GRM3: variants seen among roughly 807,000 people sequenced by gnomAD.
GRM3 encodes the protein glutamate metabotropic receptor 3.
A neutral mutation model predicts 70.5 loss-of-function variants in GRM3; 26 were observed. The observed-to-expected ratio is 0.37, with a 90% CI of 0.27 to 0.51. GRM3 has a LOEUF of 0.51. Among genes scored for constraint, GRM3 ranks in the 20% least tolerant of loss-of-function variants. The probability of loss-of-function intolerance (pLI) is 0.93; values close to 1 mark genes in which losing one functional copy is unlikely to be tolerated. For synonymous variants in GRM3, 443 were observed against 434.9 expected (o/e 1.02, Z -0.23); for missense variants, 859 against 1,123.8 (o/e 0.76, Z 3.37).
intron 1 of GRM3, among the ~76,000 whole-genome samples, chr7:86,668,052 T>C (rs953369972): frequency 6.6e-6 from 1 of 152,160 alleles, no homozygotes; most frequent in African/African-American, 2.4e-5. Context: ...TGGGAAACTT[T>C]TGTCCAGTTT....
intron 3 of GRM3, among the ~76,000 whole-genome samples, chr7:86,822,774 A>G (rs972716843): frequency 1.3e-5 from 2 of 152,192 alleles, no homozygotes; most frequent in Non-Finnish European, 2.9e-5. Flanking sequence ...ATAAAATTTG[A>G]TAGTCCAAAA....
At chr7:86,763,393 T>C (rs1796527665) in intron 1 of GRM3, among the ~76,000 whole-genome samples, 2 of 152,110 alleles carry the variant, frequency 1.3e-5, no homozygotes, top group South Asian at 4.1e-4. Context: ...GGGATAGAAG[T>C]AAGCAGGCTG....
intron 2 of GRM3, among the ~76,000 whole-genome samples, chr7:86,770,267 A>G (rs1353365525): frequency 1.3e-5 from 2 of 152,136 alleles, no homozygotes; most frequent in Non-Finnish European, 2.9e-5. Context: ...TCAGGAACAA[A>G]TGAAGATTTG....
intron 3 of GRM3, among the ~76,000 whole-genome samples, chr7:86,817,678 G>A (rs756451839): frequency 6.6e-6 from 1 of 151,874 alleles, no homozygotes; most frequent in Non-Finnish European, 1.5e-5. Flanking sequence ...TCATCTGGTT[G>A]GGTTTTGGAA....
In GRM3 at chr7:86,765,015, G is replaced by A; in HGVS notation, c.-131G>A. On this transcript the variant is annotated 5_prime_UTR_variant, in exon 2 of 6. The change abolishes the stop of an existing upstream ORF in the 5' untranslated region. Transcript: ENST00000361669. The stretch of plus-strand genomic sequence containing the variant: ...ATTTTTATCTCTTTAGGAATTTTGT[G>A]ACAGGCTCTGTTAGTCTGTTCCTCC... The A allele has an allele frequency of 6.8e-7, 1 of 1,470,856 alleles. No individual in the cohort carries two copies. Among genetic ancestry groups the A allele is most frequent in the Non-Finnish European group, 8.9e-7 (1 of 1,119,000 alleles). 91.1% of individuals were successfully genotyped at this position (1,470,856 alleles called of 1,614,324 possible).
At chr7:86,778,439 T>C (rs547413199) in intron 2 of GRM3, among the ~76,000 whole-genome samples, 1 of 152,264 alleles carries the variant, frequency 6.6e-6, no homozygotes, top group South Asian at 2.1e-4. Context: ...AGTCCTTTTG[T>C]CTTGTGTTGA....
intron 2 of GRM3, among the ~76,000 whole-genome samples, chr7:86,783,967 A>T (rs975649449): frequency 3.3e-5 from 5 of 151,984 alleles, no homozygotes; most frequent in African/African-American, 4.8e-5. Flanking sequence ...TCCTCATTAA[A>T]CACACACACA....
chr7:86,750,013 A>G (rs1434681279), intron 1 of GRM3, among the ~76,000 whole-genome samples: 1 of 152,084 alleles, frequency 6.6e-6, no homozygotes. Context: ...AGAGTAAATG[A>G]GCATATGTAA....
intron 2 of GRM3, 89 bp downstream of exon 2, chr7:86,765,702 A>C: frequency 9.8e-7 from 1 of 1,020,746 alleles, no homozygotes; most frequent in South Asian, 1.6e-5. Flanking sequence ...TAATAACGTC[A>C]TCAACGGATT....
intron 3 of GRM3, among the ~76,000 whole-genome samples, chr7:86,815,920 C>T (rs1798005710): frequency 6.6e-6 from 1 of 151,784 alleles, no homozygotes; most frequent in African/African-American, 2.4e-5. Context: ...AGAAAGATTC[C>T]AGACTGGGGC....
intron 1 of GRM3, among the ~76,000 whole-genome samples, chr7:86,764,474 G>A (rs1796553008): frequency 6.6e-6 from 1 of 152,106 alleles, no homozygotes; most frequent in Non-Finnish European, 1.5e-5. Context: ...GGCTAGGATA[G>A]TTCATCTATT....
At chr7:86,680,426 G>A (rs917474603) in intron 1 of GRM3, among the ~76,000 whole-genome samples, 3 of 152,000 alleles carry the variant, frequency 2.0e-5, no homozygotes, top group African/African-American at 7.2e-5. Flanking sequence ...CTAGTATTTT[G>A]TCCTGCAGAC....
At chr7:86,758,151 G>A (rs1320315527) in intron 1 of GRM3, among the ~76,000 whole-genome samples, 1 of 151,962 alleles carries the variant, frequency 6.6e-6, no homozygotes. Context: ...AAACAGAAGA[G>A]TTAATTCACT....
intron 1 of GRM3, among the ~76,000 whole-genome samples, chr7:86,756,372 C>T (rs1391884786): frequency 2.6e-5 from 4 of 152,140 alleles, no homozygotes; most frequent in Non-Finnish European, 5.9e-5. Flanking sequence ...AGCCACGGTG[C>T]CTGGCCCTCC....
At chr7:86,845,281 T>C (rs560686930) in intron 4 of GRM3, among the ~76,000 whole-genome samples, 12 of 152,326 alleles carry the variant, frequency 7.9e-5, no homozygotes, top group African/African-American at 2.9e-4. Flanking sequence ...ACTTTCTTTT[T>C]GCCTTAGGAT....
chr7:86,738,827 A>G (rs1372145153), intron 1 of GRM3, among the ~76,000 whole-genome samples: 2 of 152,236 alleles, frequency 1.3e-5, no homozygotes, highest in East Asian at 1.9e-4. Flanking sequence ...TGAAATATAC[A>G]TTGTGAAATG....
chr7:86,792,307 T>C (rs1404243590), intron 3 of GRM3, among the ~76,000 whole-genome samples: 2 of 152,196 alleles, frequency 1.3e-5, no homozygotes, highest in Non-Finnish European at 2.9e-5. Flanking sequence ...CTTCACTTAC[T>C]GAAGCACATA....
chr7:86,659,869 A>G (rs144147187), intron 1 of GRM3, among the ~76,000 whole-genome samples: 21 of 152,022 alleles, frequency 1.4e-4, no homozygotes, highest in Non-Finnish European at 2.6e-4. Context: ...AGATATTTTA[A>G]TCTTCACATT....
At chr7:86,665,699 T>C (rs1051721072) in intron 1 of GRM3, among the ~76,000 whole-genome samples, 2 of 152,072 alleles carry the variant, frequency 1.3e-5, no homozygotes, top group African/African-American at 2.4e-5. Flanking sequence ...GAAGATTCTA[T>C]GTGTGATCTA....
Sources: gnomAD v4.1 joint callset for allele counts (sites outside exome capture counted in the v4.1 genomes callset) on GRCh38, gnomAD v4.1.1 for gene constraint, MANE v1.5 for transcripts, NCBI Gene and HGNC (gene_info 2026-07-23, HGNC 2026-07-21) for gene names.